The following SEMA3A variants were observed in gnomAD, a reference collection of about 807,000 sequenced individuals.
SEMA3A encodes semaphorin 3A, also known as semaphorin-3A.
In SEMA3A, 29 loss-of-function variants were observed where a neutral mutation model predicts 97.9. The ratio of observed to expected loss-of-function variants is 0.30; its 90% confidence interval spans 0.22 to 0.40. The LOEUF (loss-of-function observed/expected upper bound fraction) is 0.40. Ranked by LOEUF, SEMA3A falls within the 10% of genes least tolerant of loss-of-function variation. SEMA3A has a pLI of 1.00. For missense variants in SEMA3A, 763 were observed against 951.3 expected, an observed-to-expected ratio of 0.80 and a Z score of 2.60; for synonymous variants, 321 against 323.7, an observed-to-expected ratio of 0.99 and a Z score of 0.09.
chr7:84,150,586 T>C (rs540789841), intron 1 of SEMA3A, among the ~76,000 whole-genome samples: 1 of 151,632 alleles, frequency 6.6e-6, no homozygotes, highest in Non-Finnish European at 1.5e-5. Flanking sequence ...GCTCAGAGGG[T>C]CCTACCCTAT....
At chr7:84,349,873 G>A (rs1246797656) in intron 2 of SEMA3A, among the ~76,000 whole-genome samples, 1 of 151,820 alleles carries the variant, frequency 6.6e-6, no homozygotes, top group African/African-American at 2.4e-5. Context: ...CAATGAATAA[G>A]TCTTCAAAGA....
intron 1 of SEMA3A, among the ~76,000 whole-genome samples, chr7:84,186,117 G>A (rs116849845): frequency 0.016 from 2,364 of 152,180 alleles, 24 homozygotes; most frequent in Middle Eastern, 0.034. Flanking sequence ...CAAAGAAATA[G>A]TTTCTGATAC....
intron 4 of SEMA3A, among the ~76,000 whole-genome samples, chr7:84,106,033 A>T (rs1795099215): frequency 6.6e-6 from 1 of 152,182 alleles, no homozygotes; most frequent in African/African-American, 2.4e-5. Context: ...CAATTCCCAA[A>T]TGTACCACAG....
At chr7:84,381,722 C>G (rs1803265945) in intron 1 of SEMA3A, among the ~76,000 whole-genome samples, 1 of 151,960 alleles carries the variant, frequency 6.6e-6, no homozygotes, top group African/African-American at 2.4e-5. Flanking sequence ...CTTTTTTGTC[C>G]AAGCCCAAAT....
chr7:84,161,470 C>G (rs116691353), intron 1 of SEMA3A, among the ~76,000 whole-genome samples: 1 of 152,152 alleles, frequency 6.6e-6, no homozygotes, highest in Non-Finnish European at 1.5e-5. Context: ...GACACCCTCA[C>G]GGGACATCAG....
chr7:84,322,333 C>T (rs1322981979), intron 2 of SEMA3A, among the ~76,000 whole-genome samples: 1 of 152,048 alleles, frequency 6.6e-6, no homozygotes, highest in Non-Finnish European at 1.5e-5. Flanking sequence ...AAGCATCCTA[C>T]AATAAAATAC....
chr7:84,380,042 G>T (rs539418173), intron 1 of SEMA3A, among the ~76,000 whole-genome samples: 1 of 152,106 alleles, frequency 6.6e-6, no homozygotes, highest in Non-Finnish European at 1.5e-5. Context: ...GAACTACATG[G>T]CAATATGAGA....
chr7:84,072,065 T>C (rs1793761844), intron 4 of SEMA3A, among the ~76,000 whole-genome samples: 1 of 152,128 alleles, frequency 6.6e-6, no homozygotes, highest in African/African-American at 2.4e-5. Context: ...GGAAACATGA[T>C]ACTCTTTAAC....
At chr7:84,265,519 A>ATGTT (rs1799970798) in intron 3 of SEMA3A, among the ~76,000 whole-genome samples, 1 of 147,466 alleles carries the variant, frequency 6.8e-6, no homozygotes, top group Non-Finnish European at 1.5e-5. Flanking sequence ...TATAAAATAT[A>ATGTT]TAATTTTATA....
chr7:84,445,493 C>CAAAAAAAAAAAAAAAAA lies in SEMA3A; in HGVS notation c.-246+46950_-246+46966dup, dbSNP rs61298477. Among the ~76,000 whole-genome samples the CAAAAAAAAAAAAAAAAA allele has an allele frequency of 5.0e-3, 138 of 27,590 alleles. 6 individuals are homozygous for CAAAAAAAAAAAAAAAAA. Among genetic ancestry groups the CAAAAAAAAAAAAAAAAA allele is most frequent in the Non-Finnish European group, 6.8e-3 (86 of 12,682 alleles). 18.1% of individuals were successfully genotyped at this position (27,590 alleles called of 152,430 possible). A position where few individuals can be genotyped will look rare whatever the true frequency, so the allele number is the denominator to read the frequency against. ...TGGGCGACAGAGTGAGACTCCATCTCAAAAAAAAAAAAAAAAAAAAAAAAA... is the reference window on the plus strand; with the variant it reads ...TGGGCGACAGAGTGAGACTCCATCTCAAAAAAAAAAAAAAAAAAAAAAAAAAAAAAAAAAAAAAAAAA... On this transcript the variant is annotated intron_variant, in intron 1 of 3. Coordinates refer to the SEMA3A transcript ENST00000424555.
chr7:83,962,391 A>G (rs537090581), intron 16 of SEMA3A, among the ~76,000 whole-genome samples: 6 of 152,256 alleles, frequency 3.9e-5, no homozygotes, highest in Non-Finnish European at 7.4e-5. Context: ...AATACAGTTT[A>G]CAATAGAGGT....
rs113549664 is a variant in SEMA3A at position 84,002,088 on chromosome 7, C to A, written c.1361-42G>T. ...GGAGAAGACCACAAGTTAAGTAGAT[C>A]TGAACAGAGATTAGTGTTAATGAAT... is the stretch of plus-strand genomic sequence containing the variant. On this transcript the variant is annotated intron_variant, in intron 11 of 16. Coordinates refer to ENST00000265362, the MANE Select transcript of SEMA3A (RefSeq NM_006080.3). 1.4e-3 allele frequency: 1,559 copies of A among 1,138,350 alleles called. 13 individuals are homozygous for A. In the African/African-American group the frequency reaches 0.021, roughly 15 times the overall value. The allele number at this position is 1,138,350 out of a possible 1,614,324, so 70.5% of individuals were successfully genotyped here.
At chr7:84,430,052 G>A (rs1352645509) in intron 1 of SEMA3A, among the ~76,000 whole-genome samples, 1 of 151,934 alleles carries the variant, frequency 6.6e-6, no homozygotes. Flanking sequence ...ATGTTGAGTA[G>A]AGTGGGTTTG....
intron 2 of SEMA3A, among the ~76,000 whole-genome samples, chr7:84,311,474 T>A (rs1164697858): frequency 6.6e-6 from 1 of 151,892 alleles, no homozygotes; most frequent in Non-Finnish European, 1.5e-5. Context: ...ATATAATGAA[T>A]GCTTAGCAAA....
At chr7:84,239,040 A>G (rs575544429) in intron 3 of SEMA3A, among the ~76,000 whole-genome samples, 1 of 152,308 alleles carries the variant, frequency 6.6e-6, no homozygotes, top group Non-Finnish European at 1.5e-5. Context: ...ATTTAAAGCC[A>G]TGTAGCAAAC....
intron 12 of SEMA3A, among the ~76,000 whole-genome samples, chr7:83,999,782 T>C (rs1790364816): frequency 6.6e-6 from 1 of 152,094 alleles, no homozygotes; most frequent in African/African-American, 2.4e-5. Context: ...ATTCTTAAGA[T>C]AACAATATTT....
At chr7:84,482,780 C>T (rs2190052) in intron 1 of SEMA3A, among the ~76,000 whole-genome samples, 10,168 of 152,030 alleles carry the variant, frequency 0.067, 383 homozygotes, top group East Asian at 0.12. Flanking sequence ...TAACTAGTAT[C>T]CTGAGTTTTG....
At chr7:84,180,902 T>C (rs1322163139) in intron 1 of SEMA3A, among the ~76,000 whole-genome samples, 1 of 152,154 alleles carries the variant, frequency 6.6e-6, no homozygotes, top group African/African-American at 2.4e-5. Flanking sequence ...TGAAATATTG[T>C]CAGTTTTATT....
intron 1 of SEMA3A, among the ~76,000 whole-genome samples, chr7:84,186,318 A>G (rs958596657): frequency 6.6e-6 from 1 of 152,176 alleles, no homozygotes; most frequent in African/African-American, 2.4e-5. Context: ...CTGACAGATG[A>G]GTTATGTGGC....
Sources: allele counts gnomAD v4.1 joint callset (sites outside exome capture counted in the v4.1 genomes callset), GRCh38; gene constraint gnomAD v4.1.1; transcripts MANE v1.5; gene names NCBI Gene and HGNC (gene_info 2026-07-23, HGNC 2026-07-21).